TTLL7: variants seen among roughly 807,000 people sequenced by gnomAD.
TTLL7 encodes tubulin tyrosine ligase like 7.
TTLL7 carries 53 observed loss-of-function variants against 120.2 expected under a neutral mutation model. The observed-to-expected ratio is 0.44, with a 90% CI of 0.35 to 0.55. The LOEUF (loss-of-function observed/expected upper bound fraction) is 0.55. TTLL7 is among the 20% of genes least tolerant of loss of function. The pLI is 0.00. For missense variants in TTLL7, 803 were observed against 1,054.7 expected (o/e 0.76, Z 3.31); for synonymous variants, 353 against 351.7 (o/e 1.00, Z -0.04).
At chr1:83,904,631 T>A (rs1657030671) in intron 17 of TTLL7, among the ~76,000 whole-genome samples, 1 of 152,010 alleles carries the variant, frequency 6.6e-6, no homozygotes, top group Non-Finnish European at 1.5e-5. Flanking sequence ...TGAGACTCTG[T>A]CTCAAAAACA....
chr1:83,988,596 T>C (rs973112267), intron 1 of TTLL7, among the ~76,000 whole-genome samples: 2 of 152,228 alleles, frequency 1.3e-5, no homozygotes, highest in African/African-American at 4.8e-5. Context: ...TGCGAGATGG[T>C]ATCTCATTGT....
intron 18 of TTLL7, among the ~76,000 whole-genome samples, chr1:83,899,272 G>A (rs1445670650): frequency 1.3e-5 from 2 of 151,842 alleles, no homozygotes; most frequent in African/African-American, 2.4e-5. Context: ...AGAAATTTGA[G>A]ACTGTTTTGG....
intron 20 of TTLL7, chr1:83,880,238 A>G (rs1654324406): frequency 6.6e-6 from 1 of 151,988 alleles, no homozygotes; most frequent in Admixed American, 6.6e-5. Flanking sequence ...TGATATTTAA[A>G]TATTTTAAAT....
chr1:83,963,470 TA>T (rs754240019), intron 1 of TTLL7, among the ~76,000 whole-genome samples: 96 of 141,524 alleles, frequency 6.8e-4, no homozygotes, highest in Middle Eastern at 3.6e-3. Flanking sequence ...TAATACAAAC[TA>T]AAAAAAAAAA....
At chr1:83,948,118 T>C (rs928356805) in intron 5 of TTLL7, among the ~76,000 whole-genome samples, 1 of 151,878 alleles carries the variant, frequency 6.6e-6, no homozygotes, top group Non-Finnish European at 1.5e-5. Context: ...AGTGTGTGCA[T>C]ACATGTACCT....
At chr1:83,933,814 C>A in intron 8 of TTLL7, 48 bp from the exon 9 acceptor site, 1 of 1,565,180 alleles carries the variant, frequency 6.4e-7, no homozygotes, top group Non-Finnish European at 8.7e-7. Context: ...TATCTCATTT[C>A]ATATGTGCAA....
intron 14 of TTLL7, among the ~76,000 whole-genome samples, chr1:83,916,176 A>G (rs1239537958): frequency 6.6e-6 from 1 of 152,172 alleles, no homozygotes; most frequent in Admixed American, 6.5e-5. Context: ...ATGCTGCTAT[A>G]AAGACACATG....
chr1:83,989,068 TC>T (rs1652741912), intron 1 of TTLL7, among the ~76,000 whole-genome samples: 1 of 152,182 alleles, frequency 6.6e-6, no homozygotes, highest in South Asian at 2.1e-4. Flanking sequence ...TTCTTTAGAT[TC>T]TGGATATTAG....
intron 19 of TTLL7, among the ~76,000 whole-genome samples, chr1:83,885,410 A>G (rs1223615708): frequency 6.6e-6 from 1 of 151,982 alleles, no homozygotes. Flanking sequence ...AAGAAAGTTA[A>G]AAGGGCTTCT....
chr1:83,911,318 T>A lies in TTLL7; in HGVS notation c.1633A>T (p.Lys545Ter). The change falls in exon 15 of 21, where the codon AAG (lysine) becomes TAG (stop). Residue 545 changes from lysine to a stop codon, truncating the protein, a stop_gained. Transcript: ENST00000260505. LOFTEE classifies it high-confidence loss of function. Reference sequence around the variant, plus strand: ...TAACTGCTGTCACTGCTGCAGTACTTTGGTCTTTTCATTATCTCAGTACTC... The same window carrying A: ...TAACTGCTGTCACTGCTGCAGTACTATGGTCTTTTCATTATCTCAGTACTC... ...PESTEIMKRP[K>*]YCSSDSSYDS... 1 of 1,613,802 alleles carries A rather than the reference T, an allele frequency of 6.2e-7. No homozygotes were observed. Among genetic ancestry groups the A allele is most frequent in the Non-Finnish European group, 8.5e-7 (1 of 1,179,826 alleles).
Position 83,937,916 on chromosome 1 carries a change from T to C in TTLL7, c.824A>G (p.Lys275Arg), listed in dbSNP as rs779346950. Reference protein sequence around the residue: ...TENKGSKRSIKWFTEFLQANQ... With the variant: ...TENKGSKRSIRWFTEFLQANQ... ...TGCTTGAAGGAATTCTGTAAACCAT[T>C]TGATGGAACGTTTGCTGCCTTTGTT... Residue 275 changes from lysine to arginine, a missense_variant, in exon 8 of 21, where the codon AAA (lysine) becomes AGA (arginine). By Grantham distance (26) the Lys-to-Arg change is conservative. Coordinates refer to ENST00000260505, the MANE Select transcript of TTLL7 (RefSeq NM_024686.6). 7.4e-6 allele frequency: 12 copies of C among 1,613,938 alleles called. No individual in the cohort carries two copies. The highest frequency in any genetic ancestry group is 3.3e-5 in the South Asian group (3 of 91,080).
chr1:83,867,266 T>C lies in TTLL7; in HGVS notation c.*2696A>G, dbSNP rs1415963387. 2 of 152,060 alleles carry C rather than the reference T, an allele frequency of 1.3e-5. No homozygotes were observed. Among genetic ancestry groups the C allele is most frequent in the African/African-American group, 4.8e-5 (2 of 41,446 alleles). The allele number at this position is 152,060 out of a possible 1,614,324, so 9.4% of individuals were successfully genotyped here. A position where few individuals can be genotyped will look rare whatever the true frequency, so the allele number is the denominator to read the frequency against. On this transcript the variant is annotated 3_prime_UTR_variant, in exon 21 of 21. Coordinates refer to ENST00000260505, the MANE Select transcript of TTLL7 (RefSeq NM_024686.6). ...AACACTTCCATGGTTTATTGTTGTG[T>C]CTTCTCTTAGTTGCTCATTAGGGAA...
At chr1:83,984,011 A>C (rs962147400) in intron 1 of TTLL7, 2 of 152,322 alleles carry the variant, frequency 1.3e-5, no homozygotes, top group African/African-American at 4.8e-5. Context: ...GGACTGCTTC[A>C]GCCCAGGAGG....
In TTLL7 at chr1:83,942,487, G is replaced by A; in HGVS notation, c.699C>T (p.Tyr233=). The A allele has an allele frequency of 1.9e-6, 3 of 1,613,784 alleles. No homozygotes were observed. Among genetic ancestry groups the A allele is most frequent in the Non-Finnish European group, 2.5e-6 (3 of 1,179,744 alleles). Reference sequence around the variant, plus strand: ...CCAAATTGGACTCATTAGGTGGAATGTACTTCTCTGTACCCATTCGCACAA... The same window carrying A: ...CCAAATTGGACTCATTAGGTGGAATATACTTCTCTGTACCCATTCGCACAA... ...DGLVRMGTEK[Y]IPPNESNLTQ... is the part of the protein sequence containing the mutation. Residue 233 remains tyrosine (Y), a synonymous_variant, in exon 7 of 21, where the codon TAC becomes TAT. Transcript: ENST00000260505.
intron 6 of TTLL7, among the ~76,000 whole-genome samples, chr1:83,945,489 G>A (rs1178384607): frequency 2.0e-5 from 3 of 152,152 alleles, no homozygotes; most frequent in Admixed American, 2.0e-4. Context: ...ATTGAAGGGA[G>A]AAATACTTCA....
At chr1:83,900,258 C>A in intron 18 of TTLL7, 2 of 337,772 alleles carry the variant, frequency 5.9e-6, no homozygotes, top group Admixed American at 4.2e-5. Context: ...TTAAAAGAGT[C>A]TAGAATGGAA....
chr1:83,937,847 C>G lies in TTLL7; in HGVS notation c.888+5G>C. 1 of 1,613,820 alleles carries G rather than the reference C, an allele frequency of 6.2e-7. No individual in the cohort carries two copies. The highest frequency in any genetic ancestry group is 8.5e-7 in the Non-Finnish European group (1 of 1,179,780). On this transcript the variant is annotated splice_donor_5th_base_variant and intron_variant, in intron 8 of 20. Transcript: ENST00000260505. The stretch of plus-strand genomic sequence containing the variant: ...TGTTATAATTGTGGAATGGCATAAT[C>G]TTACTGAAATATCACTCCAAAACTT...
chr1:83,881,909 TA>T (rs1180914844), intron 20 of TTLL7, among the ~76,000 whole-genome samples: 3 of 150,024 alleles, frequency 2.0e-5, no homozygotes, highest in Non-Finnish European at 3.0e-5. Flanking sequence ...TATGCAGCCA[TA>T]AAAAAGGATG....
Position 83,869,419 on chromosome 1 carries a change from T to C in TTLL7, c.*543A>G, listed in dbSNP as rs2100686998. 6.6e-6 allele frequency: 1 copy of C among 152,484 alleles called. No individual in the cohort carries two copies. 9.4% of individuals were successfully genotyped at this position (152,484 alleles called of 1,614,324 possible). On this transcript the variant is annotated 3_prime_UTR_variant, in exon 21 of 21. Transcript: ENST00000260505. ...TTTTCTAGCACTTTACAGTGTGCTA[T>C]AGTAATGATAAACCCGTTTTAAACT...
Sources: gnomAD v4.1 joint callset for allele counts (sites outside exome capture counted in the v4.1 genomes callset) on GRCh38, gnomAD v4.1.1 for gene constraint, MANE v1.5 for transcripts, NCBI Gene and HGNC (gene_info 2026-07-23, HGNC 2026-07-21) for gene names.